Variants in SLC24A3 observed in about 807,000 individuals in gnomAD.
The protein encoded by SLC24A3 is solute carrier family 24 member 3.
A neutral mutation model predicts 75.8 loss-of-function variants in SLC24A3; 28 were observed. The ratio of observed to expected loss-of-function variants is 0.37; its 90% CI spans 0.27 to 0.51. The LOEUF (loss-of-function observed/expected upper bound fraction) is 0.51, where lower values mean the gene tolerates loss of function less well. Among genes scored for constraint, SLC24A3 ranks in the 20% least tolerant of loss-of-function variants. SLC24A3 has a pLI of 0.94. For missense variants in SLC24A3, 663 were observed against 847.8 expected (o/e 0.78, Z 2.71); for synonymous variants, 372 against 334.1 (o/e 1.11, Z -1.24).
chr20:19,720,243 G>A (rs1248386943), intron 16 of SLC24A3, among the ~76,000 whole-genome samples: 1 of 152,228 alleles, frequency 6.6e-6, no homozygotes, highest in African/African-American at 2.4e-5. Flanking sequence ...TAGCACATAG[G>A]CTGGTGGGTG....
chr20:19,434,021 G>T (rs1228982050), intron 2 of SLC24A3, among the ~76,000 whole-genome samples: 1 of 152,168 alleles, frequency 6.6e-6, no homozygotes, highest in Non-Finnish European at 1.5e-5. Context: ...CTATCTCTAG[G>T]AGCTGGTTAA....
At chr20:19,214,560 C>A (rs576903894) in intron 1 of SLC24A3, among the ~76,000 whole-genome samples, 5 of 152,164 alleles carry the variant, frequency 3.3e-5, no homozygotes, top group Non-Finnish European at 5.9e-5. Context: ...ACATAGAGTT[C>A]CCACCACTTT....
intron 1 of SLC24A3, among the ~76,000 whole-genome samples, chr20:19,277,385 G>C (rs1600406963): frequency 6.6e-6 from 1 of 152,214 alleles, no homozygotes; most frequent in East Asian, 1.9e-4. Flanking sequence ...AGTTGATGTA[G>C]CCACGGATTG....
At chr20:19,324,752 A>T (rs1387288720) in intron 2 of SLC24A3, among the ~76,000 whole-genome samples, 2 of 152,238 alleles carry the variant, frequency 1.3e-5, no homozygotes. Flanking sequence ...TTTCCCAAAG[A>T]GTTTAACACA....
intron 7 of SLC24A3, among the ~76,000 whole-genome samples, chr20:19,661,394 A>G (rs924688117): frequency 2.6e-5 from 4 of 152,128 alleles, no homozygotes; most frequent in African/African-American, 9.7e-5. Context: ...TTCCCAGTGT[A>G]TTCCACTGGA....
intron 6 of SLC24A3, among the ~76,000 whole-genome samples, chr20:19,608,965 T>G (rs1415953425): frequency 6.6e-6 from 1 of 152,124 alleles, no homozygotes; most frequent in Non-Finnish European, 1.5e-5. Flanking sequence ...CTGGCAGAGA[T>G]AGAGGGTTTC....
intron 2 of SLC24A3, among the ~76,000 whole-genome samples, chr20:19,365,915 G>GT (rs929579401): frequency 1.4e-4 from 22 of 152,128 alleles, no homozygotes; most frequent in Admixed American, 9.8e-4. Flanking sequence ...TTTATTATCT[G>GT]TTTTTTCTTT....
At chr20:19,637,575 A>G (rs2032016555) in intron 6 of SLC24A3, among the ~76,000 whole-genome samples, 1 of 152,236 alleles carries the variant, frequency 6.6e-6, no homozygotes, top group African/African-American at 2.4e-5. Flanking sequence ...ACAGTGAGCA[A>G]TATTCGCGTA....
intron 15 of SLC24A3, among the ~76,000 whole-genome samples, chr20:19,715,418 G>T (rs904477460): frequency 2.0e-5 from 3 of 152,174 alleles, no homozygotes; most frequent in Admixed American, 2.0e-4. Context: ...TTAAGCCATT[G>T]CTCTAGTGTC....
At chr20:19,246,219 G>A (rs1982479907) in intron 1 of SLC24A3, among the ~76,000 whole-genome samples, 1 of 151,998 alleles carries the variant, frequency 6.6e-6, no homozygotes, top group Non-Finnish European at 1.5e-5. Context: ...CACAGTAAAG[G>A]AAGACTAAAA....
chr20:19,688,223 C>T lies in SLC24A3; in HGVS notation c.1324+2862C>T, dbSNP rs575670501. ...ATTGCTAATCAAGAACCGGCTGCCC[C>T]CCATCCTGTGACACTGACGCTGCTG... On this transcript the variant is annotated intron_variant, in intron 12 of 16. Coordinates refer to ENST00000328041, the MANE Select transcript of SLC24A3 (RefSeq NM_020689.4). 2.7e-4 allele frequency among the ~76,000 whole-genome samples: 41 copies of T among 152,326 alleles called. No individual in the cohort carries two copies. The South Asian group carries it at 8.1e-3, about 30-fold the overall frequency.
chr20:19,587,636 A>C lies in SLC24A3; in HGVS notation c.612+2092A>C, dbSNP rs1353730790. On this transcript the variant is annotated intron_variant, in intron 6 of 16. Coordinates refer to ENST00000328041, the MANE Select transcript of SLC24A3 (RefSeq NM_020689.4). ...TCCTTCAAGTCTTTGCAGAGGAAGC[A>C]AAATTATGTTTTGGGAAGAACATGG... 2.0e-5 allele frequency among the ~76,000 whole-genome samples: 3 copies of C among 152,216 alleles called. No homozygotes were observed. The East Asian group carries it at 5.8e-4, about 29-fold the overall frequency.
At chr20:19,615,012 T>C (rs2031719063) in intron 6 of SLC24A3, among the ~76,000 whole-genome samples, 1 of 152,222 alleles carries the variant, frequency 6.6e-6, no homozygotes, top group Non-Finnish European at 1.5e-5. Context: ...TTTTAAGCTT[T>C]AATTTTACAG....
intron 2 of SLC24A3, among the ~76,000 whole-genome samples, chr20:19,354,393 G>A (rs902872141): frequency 5.3e-5 from 8 of 152,250 alleles, no homozygotes; most frequent in African/African-American, 1.7e-4. Flanking sequence ...TGTTATGGGG[G>A]TCAGGTGCAG....
intron 6 of SLC24A3, among the ~76,000 whole-genome samples, chr20:19,629,023 A>G (rs2031901709): frequency 6.6e-6 from 1 of 152,198 alleles, no homozygotes; most frequent in Admixed American, 6.5e-5. Flanking sequence ...AAAAGGAAAA[A>G]ATAAATTAAT....
chr20:19,691,722 A>G (rs979227514), intron 12 of SLC24A3, among the ~76,000 whole-genome samples: 3 of 152,154 alleles, frequency 2.0e-5, no homozygotes, highest in Non-Finnish European at 4.4e-5. Context: ...AGAAAGGGAA[A>G]GATCAAGAAT....
At chr20:19,639,645 T>C (rs1298665911) in intron 6 of SLC24A3, among the ~76,000 whole-genome samples, 1 of 152,188 alleles carries the variant, frequency 6.6e-6, no homozygotes, top group African/African-American at 2.4e-5. Flanking sequence ...CCTCAGCCCT[T>C]GGGTGGTCGA....
intron 2 of SLC24A3, among the ~76,000 whole-genome samples, chr20:19,495,347 A>G (rs1388546146): frequency 6.6e-6 from 1 of 152,206 alleles, no homozygotes; most frequent in Non-Finnish European, 1.5e-5. Context: ...AGGAGACATC[A>G]TTCATCTGTC....
At chr20:19,278,884 C>T (rs1444813576) in intron 1 of SLC24A3, among the ~76,000 whole-genome samples, 2 of 152,234 alleles carry the variant, frequency 1.3e-5, no homozygotes, top group Non-Finnish European at 2.9e-5. Flanking sequence ...GACCTCAGTT[C>T]ATGAGCTACT....
Sources: allele counts gnomAD v4.1 joint callset (sites outside exome capture counted in the v4.1 genomes callset), GRCh38; gene constraint gnomAD v4.1.1; transcripts MANE v1.5; gene names NCBI Gene and HGNC (gene_info 2026-07-23, HGNC 2026-07-21).